NCALD: variants seen among roughly 807,000 people sequenced by gnomAD.
The protein encoded by NCALD is neurocalcin delta.
NCALD carries 10 observed loss-of-function variants against 18.6 expected under a neutral mutation model. That is an observed-to-expected ratio of 0.54 (90% confidence interval 0.33 to 0.91). The LOEUF (loss-of-function observed/expected upper bound fraction) is 0.91, where lower values mean the gene tolerates loss of function less well. Among genes scored for constraint, NCALD ranks in the 40% least tolerant of loss-of-function variants. The pLI is 0.03. For missense variants in NCALD, 184 were observed against 247.6 expected (o/e 0.74, Z 1.72); for synonymous variants, 88 against 87.4 (o/e 1.01, Z -0.04).
chr8:102,121,760 C>G (rs11989669), intron 1 of NCALD, among the ~76,000 whole-genome samples: 15,114 of 152,228 alleles, frequency 0.099, 812 homozygotes, highest in Middle Eastern at 0.17. Flanking sequence ...GGACACACCT[C>G]GAGGGCAAGG....
Position 102,005,883 on chromosome 8 carries a change from TGG to T in NCALD, c.-157+14352_-157+14353del, listed in dbSNP as rs769258109. Among the ~76,000 whole-genome samples the T allele has an allele frequency of 8.9e-4, 12 of 13,410 alleles. 1 individual carries two copies. In the East Asian group the frequency reaches 0.021, roughly 23 times the overall value. The allele number at this position is 13,410 out of a possible 152,430, so 8.8% of individuals were successfully genotyped here. Reference sequence around the variant, plus strand: ...TCACACACTGGGGCCTGTTGTGGGGTGGGGGGGCAGGGGGGAGGGATAGCATT... The same window carrying T: ...TCACACACTGGGGCCTGTTGTGGGGTGGGGGCAGGGGGGAGGGATAGCATT... On this transcript the variant is annotated intron_variant, in intron 2 of 6. Coordinates refer to the NCALD transcript ENST00000311028.
At chr8:102,040,849 A>C (rs997539696) in intron 1 of NCALD, among the ~76,000 whole-genome samples, 1 of 152,198 alleles carries the variant, frequency 6.6e-6, no homozygotes, top group Non-Finnish European at 1.5e-5. Context: ...TTTCTAGTCA[A>C]AGATTACACC....
At chr8:101,789,183 A>C (rs1475943688) in intron 1 of NCALD, among the ~76,000 whole-genome samples, 3 of 152,194 alleles carry the variant, frequency 2.0e-5, no homozygotes, top group Non-Finnish European at 2.9e-5. Flanking sequence ...TACCTCATCA[A>C]AGATAGTGCT....
At chr8:101,710,886 G>C (rs909871935) in intron 2 of NCALD, among the ~76,000 whole-genome samples, 1 of 152,190 alleles carries the variant, frequency 6.6e-6, no homozygotes, top group East Asian at 1.9e-4. Context: ...AGAGAGCAGC[G>C]ATCTCCCAGC....
At chr8:101,850,466 C>T (rs1031634542) in intron 4 of NCALD, among the ~76,000 whole-genome samples, 1 of 152,240 alleles carries the variant, frequency 6.6e-6, no homozygotes, top group East Asian at 1.9e-4. Flanking sequence ...TAAAGAAGAA[C>T]TTGTGTTAGG....
At chr8:101,930,001 G>A (rs1818513706) in intron 2 of NCALD, among the ~76,000 whole-genome samples, 2 of 152,066 alleles carry the variant, frequency 1.3e-5, no homozygotes, top group African/African-American at 4.8e-5. Context: ...GTTACAGTGA[G>A]CCAAGATCAC....
chr8:101,923,663 AT>A (rs1190522536), intron 2 of NCALD, among the ~76,000 whole-genome samples: 3 of 152,234 alleles, frequency 2.0e-5, no homozygotes, highest in Non-Finnish European at 4.4e-5. Context: ...AATGGTTACA[AT>A]ACTTTATATA....
At chr8:101,717,439 C>A (rs1816137941) in intron 2 of NCALD, among the ~76,000 whole-genome samples, 2 of 152,122 alleles carry the variant, frequency 1.3e-5, no homozygotes, top group African/African-American at 4.8e-5. Flanking sequence ...CATTAAATTG[C>A]TTGAATTTCT....
chr8:101,769,492 C>T (rs1224003556), intron 1 of NCALD, among the ~76,000 whole-genome samples: 1 of 152,162 alleles, frequency 6.6e-6, no homozygotes, highest in African/African-American at 2.4e-5. Flanking sequence ...TATTCCTTTC[C>T]GTTGGAAAAT....
intron 2 of NCALD, among the ~76,000 whole-genome samples, chr8:101,982,093 G>A (rs7837198): frequency 8.5e-5 from 13 of 152,092 alleles, no homozygotes; most frequent in Non-Finnish European, 1.6e-4. Context: ...CCCCTGTACC[G>A]TCCACCATCA....
At chr8:101,788,754 T>C (rs1386251928) in intron 1 of NCALD, 2 of 152,226 alleles carry the variant, frequency 1.3e-5, no homozygotes, top group Admixed American at 6.5e-5. Flanking sequence ...TATTTAATAA[T>C]GCAACAGCCA....
At chr8:101,709,246 A>G (rs1297951086) in intron 2 of NCALD, among the ~76,000 whole-genome samples, 1 of 152,184 alleles carries the variant, frequency 6.6e-6, no homozygotes, top group Non-Finnish European at 1.5e-5. Context: ...TTTATGGTGT[A>G]CACCCTACGG....
At chr8:102,123,408 A>G (rs1825999943) in intron 1 of NCALD, among the ~76,000 whole-genome samples, 1 of 151,458 alleles carries the variant, frequency 6.6e-6, no homozygotes, top group Non-Finnish European at 1.5e-5. Context: ...TGCAGAGCCA[A>G]ATGGCATTCT....
At chr8:102,067,689 T>G (rs1020427781) in intron 1 of NCALD, among the ~76,000 whole-genome samples, 4 of 152,202 alleles carry the variant, frequency 2.6e-5, no homozygotes, top group African/African-American at 9.6e-5. Flanking sequence ...TTATACCCTC[T>G]GGAATTTGTA....
At chr8:102,009,169 A>G (rs1648091048) in intron 2 of NCALD, among the ~76,000 whole-genome samples, 1 of 152,244 alleles carries the variant, frequency 6.6e-6, no homozygotes, top group South Asian at 2.1e-4. Flanking sequence ...ATCTCAAGCA[A>G]TAGAAATTAA....
intron 1 of NCALD, among the ~76,000 whole-genome samples, chr8:102,100,961 T>A (rs1418822445): frequency 6.6e-6 from 1 of 152,158 alleles, no homozygotes; most frequent in Non-Finnish European, 1.5e-5. Flanking sequence ...ATGAAGAAGT[T>A]CTGGAGATGG....
At chr8:101,977,368 A>G (rs1391522972) in intron 2 of NCALD, among the ~76,000 whole-genome samples, 4 of 152,206 alleles carry the variant, frequency 2.6e-5, no homozygotes, top group African/African-American at 9.6e-5. Flanking sequence ...CTCTGCTGAA[A>G]AGTTAAAAGT....
chr8:102,013,673 A>G (rs889070213), intron 2 of NCALD, among the ~76,000 whole-genome samples: 1 of 152,072 alleles, frequency 6.6e-6, no homozygotes, highest in Non-Finnish European at 1.5e-5. Context: ...TAAAAAAAAA[A>G]TTAATGATGT....
chr8:101,880,565 C>G (rs751434366), intron 4 of NCALD, among the ~76,000 whole-genome samples: 1 of 152,230 alleles, frequency 6.6e-6, no homozygotes, highest in African/African-American at 2.4e-5. Context: ...CACGCTGTCA[C>G]CTCTCACTGG....
Sources: gnomAD v4.1 joint callset for allele counts (sites outside exome capture counted in the v4.1 genomes callset) on GRCh38, gnomAD v4.1.1 for gene constraint, MANE v1.5 for transcripts, NCBI Gene and HGNC (gene_info 2026-07-23, HGNC 2026-07-21) for gene names.